The following CABLES1 variants were observed in gnomAD, a reference collection of about 807,000 sequenced individuals.
CABLES1 encodes Cdk5 and Abl enzyme substrate 1.
In CABLES1, 36 loss-of-function variants were observed where a neutral mutation model predicts 57.8. The observed-to-expected ratio is 0.62, with a 90% CI of 0.48 to 0.82. The LOEUF (loss-of-function observed/expected upper bound fraction) is 0.82. Among genes scored for constraint, CABLES1 ranks in the 40% least tolerant of loss-of-function variants. CABLES1 has a pLI of 0.00. For missense variants in CABLES1, 767 were observed against 836.6 expected, an observed-to-expected ratio of 0.92 and a Z score of 1.03; for synonymous variants, 374 against 363.0, an observed-to-expected ratio of 1.03 and a Z score of -0.35.
At chr18:23,249,324 G>A (rs180885072) in intron 7 of CABLES1, among the ~76,000 whole-genome samples, 43 of 152,350 alleles carry the variant, frequency 2.8e-4, no homozygotes, top group African/African-American at 1.0e-3. Flanking sequence ...GAGTAGAATG[G>A]AGGCGAGTCC....
chr18:23,167,620 A>G (rs925207018), intron 1 of CABLES1, among the ~76,000 whole-genome samples: 3 of 152,148 alleles, frequency 2.0e-5, no homozygotes, highest in Admixed American at 6.6e-5. Context: ...AATATGAGTT[A>G]CAGCCCTGGA....
intron 1 of CABLES1, among the ~76,000 whole-genome samples, chr18:23,137,658 C>T (rs1021665038): frequency 2.0e-5 from 3 of 152,188 alleles, no homozygotes; most frequent in African/African-American, 7.2e-5. Flanking sequence ...CTTGATCTGG[C>T]CCAAGTAAGA....
chr18:23,194,665 T>C lies in CABLES1; in HGVS notation c.1010+125T>C. On this transcript the variant is annotated intron_variant, in intron 3 of 9. Transcript: ENST00000256925. ...CCACACTTTTAAGATGAGCAGGATC[T>C]CATGGAACCTTCCCCGACAATTTCC... The C allele has an allele frequency of 4.7e-6, 3 of 644,208 alleles. 1 individual carries two copies. The highest frequency in any genetic ancestry group is 5.0e-4 in the Middle Eastern group (2 of 3,970). 39.9% of individuals were successfully genotyped at this position (644,208 alleles called of 1,614,324 possible).
chr18:23,191,476 G>C (rs918888890), intron 2 of CABLES1, among the ~76,000 whole-genome samples: 6 of 152,124 alleles, frequency 3.9e-5, no homozygotes, highest in African/African-American at 9.7e-5. Context: ...TTGGCTGATC[G>C]CTGAAGCCTT....
At chr18:23,226,487 C>T (rs1248838270) in intron 4 of CABLES1, among the ~76,000 whole-genome samples, 1 of 151,762 alleles carries the variant, frequency 6.6e-6, no homozygotes, top group African/African-American at 2.4e-5. Flanking sequence ...TTTTTTTACC[C>T]TCATACACCC....
intron 3 of CABLES1, 46 bp from the exon 4 acceptor site, chr18:23,213,931 T>C (rs1018885550): frequency 7.5e-7 from 1 of 1,333,020 alleles, no homozygotes; most frequent in Non-Finnish European, 1.1e-6. Flanking sequence ...AGTTTGATTC[T>C]TTGCATTTAG....
intron 4 of CABLES1, among the ~76,000 whole-genome samples, chr18:23,224,807 G>C (rs1463303954): frequency 6.6e-6 from 1 of 152,010 alleles, no homozygotes; most frequent in African/African-American, 2.4e-5. Flanking sequence ...CTGACCTCGT[G>C]ATCTGCCTGT....
chr18:23,229,498 A>G (rs2047552041), intron 4 of CABLES1, among the ~76,000 whole-genome samples: 1 of 152,238 alleles, frequency 6.6e-6, no homozygotes, highest in Non-Finnish European at 1.5e-5. Context: ...GAAAACTTCA[A>G]CTTCAGTTTG....
intron 1 of CABLES1, among the ~76,000 whole-genome samples, chr18:23,159,363 T>C (rs996323767): frequency 3.3e-5 from 5 of 152,220 alleles, no homozygotes; most frequent in African/African-American, 1.2e-4. Flanking sequence ...TTCCTATGAG[T>C]ATTTGCCCTG....
intron 7 of CABLES1, among the ~76,000 whole-genome samples, chr18:23,246,912 C>T (rs985061673): frequency 3.3e-5 from 5 of 152,178 alleles, no homozygotes; most frequent in East Asian, 1.9e-4. Context: ...AAGCTGGTCT[C>T]GAACTCCTGA....
chr18:23,144,342 T>C (rs895615560), intron 1 of CABLES1, among the ~76,000 whole-genome samples: 6 of 152,262 alleles, frequency 3.9e-5, no homozygotes, highest in Non-Finnish European at 8.8e-5. Context: ...GAAAATTTGA[T>C]TCTGTTCCCC....
chr18:23,153,398 A>G (rs2046945441), intron 1 of CABLES1, among the ~76,000 whole-genome samples: 1 of 151,988 alleles, frequency 6.6e-6, no homozygotes, highest in African/African-American at 2.4e-5. Context: ...ATGACCAGCA[A>G]TATTACCTTT....
intron 1 of CABLES1, among the ~76,000 whole-genome samples, chr18:23,180,014 G>A (rs1323369325): frequency 2.0e-5 from 3 of 152,194 alleles, no homozygotes; most frequent in Non-Finnish European, 4.4e-5. Flanking sequence ...CGCCTCCCGG[G>A]TTCAGGCCAT....
chr18:23,234,468 G>A (rs766981365), intron 4 of CABLES1, 140 bp from the exon 5 acceptor site: 3 of 660,428 alleles, frequency 4.5e-6, no homozygotes, highest in Non-Finnish European at 5.4e-6. Context: ...GCCCGAAGAG[G>A]GACAACGGGC....
chr18:23,259,793 A>G lies in CABLES1; in HGVS notation c.*2426A>G, dbSNP rs547876976. 1 of 152,412 alleles carries G rather than the reference A, an allele frequency of 6.6e-6. No homozygotes were observed. Among genetic ancestry groups the G allele is most frequent in the African/African-American group, 2.4e-5 (1 of 41,558 alleles). 9.4% of individuals were successfully genotyped at this position (152,412 alleles called of 1,614,324 possible). A position where few individuals can be genotyped will look rare whatever the true frequency, so the allele number is the denominator to read the frequency against. ...AGCCTGTGAAGCGAGAAGGCCAGGC[A>G]GTAGACTGGCTCTGAGGTTTTGCCC... On this transcript the variant is annotated 3_prime_UTR_variant, in exon 10 of 10. Coordinates refer to ENST00000256925, the MANE Select transcript of CABLES1 (RefSeq NM_001100619.3).
intron 1 of CABLES1, among the ~76,000 whole-genome samples, chr18:23,180,847 G>A (rs979484761): frequency 6.6e-6 from 1 of 152,314 alleles, no homozygotes; most frequent in African/African-American, 2.4e-5. Context: ...GTGGTGGGGG[G>A]ATGGAGGGAT....
At position 23,207,199 on chromosome 18, in the gene CABLES1, A is replaced by G. The variant is rs148494722; in HGVS notation, c.1011-6778A>G. 2.0e-4 allele frequency among the ~76,000 whole-genome samples: 30 copies of G among 152,346 alleles called. No homozygotes were observed. The East Asian group carries it at 5.4e-3, about 27-fold the overall frequency. On this transcript the variant is annotated intron_variant, in intron 3 of 9. Coordinates refer to ENST00000256925, the MANE Select transcript of CABLES1 (RefSeq NM_001100619.3). ...AGGTCATATATAAGGGACCCTTAGTAAGTGCACAGCTCAGTGGGGGTTGGT... is the reference window on the plus strand; with the variant it reads ...AGGTCATATATAAGGGACCCTTAGTGAGTGCACAGCTCAGTGGGGGTTGGT...
In CABLES1 at chr18:23,258,223, T is replaced by G. The variant is rs2048213246; in HGVS notation, c.*856T>G. 1 of 152,596 alleles carries G rather than the reference T, an allele frequency of 6.6e-6. No individual in the cohort carries two copies. Among genetic ancestry groups the G allele is most frequent in the Admixed American group, 6.5e-5 (1 of 15,282 alleles). The allele number at this position is 152,596 out of a possible 1,614,324, so 9.5% of individuals were successfully genotyped here. ...CCACGTGTATTTAACCCTCGCACTTTCTCCACTGTGGAGATGGCTGGGGCG... is the reference window on the plus strand; with the variant it reads ...CCACGTGTATTTAACCCTCGCACTTGCTCCACTGTGGAGATGGCTGGGGCG... On this transcript the variant is annotated 3_prime_UTR_variant, in exon 10 of 10. Transcript: ENST00000256925.
intron 1 of CABLES1, among the ~76,000 whole-genome samples, chr18:23,139,189 G>C (rs1186991578): frequency 6.6e-6 from 1 of 152,038 alleles, no homozygotes. Context: ...ATCACCTGAG[G>C]TCAGGAGTTC....
Sources: gnomAD v4.1 joint callset for allele counts (sites outside exome capture counted in the v4.1 genomes callset) on GRCh38, gnomAD v4.1.1 for gene constraint, MANE v1.5 for transcripts, NCBI Gene and HGNC (gene_info 2026-07-23, HGNC 2026-07-21) for gene names.